The following PKP2 variants were observed in gnomAD, a reference collection of about 807,000 sequenced individuals.
The protein encoded by PKP2 is plakophilin-2.
A neutral mutation model predicts 83.4 loss-of-function variants in PKP2; 73 were observed. The observed-to-expected ratio is 0.88, with a 90% CI of 0.72 to 1.06. The LOEUF (loss-of-function observed/expected upper bound fraction) is 1.06, where lower values mean the gene tolerates loss of function less well. Among genes scored for constraint, PKP2 ranks in the 50% least tolerant of loss-of-function variants. PKP2 has a pLI of 0.00. For missense variants in PKP2, 966 were observed against 1,065.4 expected, an observed-to-expected ratio of 0.91 and a Z score of 1.30; for synonymous variants, 409 against 430.4, an observed-to-expected ratio of 0.95 and a Z score of 0.62.
chr12:32,896,445 G>A (rs1011090856), intron 1 of PKP2, 64 bp downstream of exon 1: 1 of 1,252,682 alleles, frequency 8.0e-7, no homozygotes, highest in Non-Finnish European at 1.1e-6. Flanking sequence ...GTGAGGGCGG[G>A]ATAGGAGGAG....
chr12:32,803,700 T>C (rs555069191), intron 9 of PKP2, among the ~76,000 whole-genome samples: 1 of 152,352 alleles, frequency 6.6e-6, no homozygotes, highest in East Asian at 1.9e-4. Context: ...TTTGCAAATA[T>C]ATAATGAAAT....
At chr12:32,834,148 C>G (rs556857811) in intron 6 of PKP2, among the ~76,000 whole-genome samples, 1 of 152,334 alleles carries the variant, frequency 6.6e-6, no homozygotes, top group South Asian at 2.1e-4. Context: ...TCATCCCTCT[C>G]TTAAATCTCT....
rs377566089 is a variant in PKP2, at chr12:32,796,691, G to A, written c.2168-393C>T. On this transcript the variant is annotated intron_variant, in intron 10 of 12. Coordinates refer to ENST00000340811, the MANE Select transcript of PKP2 (RefSeq NM_001005242.3). ...TGGGATTACAGGCGTGAGACACTGC[G>A]CCCGGCCAAGAACTTTCTTAAAAAG... 6.6e-5 allele frequency among the ~76,000 whole-genome samples: 10 copies of A among 152,160 alleles called. 1 individual carries two copies. The South Asian group carries it at 1.5e-3, about 22-fold the overall frequency.
rs968421395 is a variant in PKP2 at position 32,818,621 on chromosome 12, T to A, written c.2013+2735A>T. 2.6e-5 allele frequency among the ~76,000 whole-genome samples: 4 copies of A among 152,250 alleles called. No individual in the cohort carries two copies. The East Asian group carries it at 7.7e-4, about 29-fold the overall frequency. ...TTGCTACTAGAGTGACCATTATAAC[T>A]GAACTAATAAAGCTTAAACTAACAT... On this transcript the variant is annotated intron_variant, in intron 9 of 12. Coordinates refer to ENST00000340811, the MANE Select transcript of PKP2 (RefSeq NM_001005242.3).
At chr12:32,798,084 G>GTTTT (rs10623676) in intron 10 of PKP2, among the ~76,000 whole-genome samples, 3,363 of 124,086 alleles carry the variant, frequency 0.027, 291 homozygotes, top group African/African-American at 0.049. Flanking sequence ...TACTACTCTT[G>GTTTT]TTTTTTTTTT....
intron 6 of PKP2, among the ~76,000 whole-genome samples, chr12:32,827,518 A>AT (rs914632567): frequency 7.9e-5 from 12 of 151,772 alleles, no homozygotes; most frequent in African/African-American, 1.7e-4. Flanking sequence ...ATCTTAAAAT[A>AT]TTTTTTTTTA....
chr12:32,824,002 G>T, intron 7 of PKP2, 43 bp downstream of exon 7: 1 of 1,159,408 alleles, frequency 8.6e-7, no homozygotes, highest in Non-Finnish European at 1.3e-6. Context: ...ATATTCTGAA[G>T]CATCTTAGTA....
At chr12:32,822,420 C>T in intron 8 of PKP2, 47 bp downstream of exon 8, 1 of 1,504,112 alleles carries the variant, frequency 6.6e-7, no homozygotes, top group South Asian at 1.1e-5. Context: ...CACACACTCT[C>T]TCTCATTCTC....
At chr12:32,800,659 C>T (rs1956170481) in intron 10 of PKP2, among the ~76,000 whole-genome samples, 1 of 152,140 alleles carries the variant, frequency 6.6e-6, no homozygotes, top group Non-Finnish European at 1.5e-5. Context: ...GGGAACGAGT[C>T]AATGCATGTT....
intron 3 of PKP2, 111 bp downstream of exon 3, chr12:32,877,735 A>G: frequency 1.2e-6 from 1 of 812,752 alleles, no homozygotes; most frequent in East Asian, 2.6e-5. Flanking sequence ...TTAATCACTT[A>G]TCTCTGGAAG....
At position 32,850,895 on chromosome 12, in the gene PKP2, C is replaced by T. The variant is rs1956690284; in HGVS notation, c.1249G>A (p.Gly417Arg). The T allele has an allele frequency of 6.2e-7, 1 of 1,614,086 alleles. No homozygotes were observed. The change falls in exon 5 of 13, where the codon GGG becomes AGG. Residue 417 changes from glycine (G) to arginine (R), a missense_variant. Coordinates refer to ENST00000340811, the MANE Select transcript of PKP2 (RefSeq NM_001005242.3). ...TCAAATACTAAGTTTCTCAAGGCCCCACACACAGCTCGCTGAACGTCTTCA... is the reference window on the plus strand; with the variant it reads ...TCAAATACTAAGTTTCTCAAGGCCCTACACACAGCTCGCTGAACGTCTTCA... ...QNEDVQRAVC[G>R]ALRNLVFEDN...
In PKP2 at chr12:32,826,303, C is replaced by A. The variant is rs568169972; in HGVS notation, c.1557-2141G>T. ...CCCGGGTGACAAAGCTAGACACCGTCTCAAAAAAAAAAAAAAAAAAAAGAA... is the reference window on the plus strand; with the variant it reads ...CCCGGGTGACAAAGCTAGACACCGTATCAAAAAAAAAAAAAAAAAAAAGAA... On this transcript the variant is annotated intron_variant, in intron 6 of 12. Transcript: ENST00000340811. Among the ~76,000 whole-genome samples the A allele has an allele frequency of 3.0e-3, 202 of 67,520 alleles. 1 individual carries two copies. The highest frequency in any genetic ancestry group is 8.5e-3 in the African/African-American group (187 of 22,030). 44.3% of individuals were successfully genotyped at this position (67,520 alleles called of 152,430 possible). A position where few individuals can be genotyped will look rare whatever the true frequency, so the allele number is the denominator to read the frequency against.
intron 5 of PKP2, among the ~76,000 whole-genome samples, chr12:32,847,954 C>A (rs969414154): frequency 3.3e-5 from 5 of 152,026 alleles, no homozygotes; most frequent in South Asian, 2.1e-4. Flanking sequence ...AACAAAAAAA[C>A]CCCAAATCCA....
At chr12:32,846,989 G>A (rs554496062) in intron 5 of PKP2, among the ~76,000 whole-genome samples, 8 of 152,038 alleles carry the variant, frequency 5.3e-5, no homozygotes, top group African/African-American at 1.9e-4. Flanking sequence ...GTCTCACACT[G>A]ATCATATGTA....
chr12:32,792,267 T>A lies in PKP2; in HGVS notation c.*157A>T, dbSNP rs1291893472. ...TTGCAAAGGTCTTCTGGAAGACTCA[T>A]AAAATTATGTTCTATTTGTTTTCTG... is the stretch of plus-strand genomic sequence containing the variant. On this transcript the variant is annotated 3_prime_UTR_variant, in exon 13 of 13. Coordinates refer to ENST00000340811, the MANE Select transcript of PKP2 (RefSeq NM_001005242.3). 8 of 700,030 alleles carry A rather than the reference T, an allele frequency of 1.1e-5. No homozygotes were observed. The highest frequency in any genetic ancestry group is 2.1e-5 in the Non-Finnish European group (8 of 383,974). The allele number at this position is 700,030 out of a possible 1,614,324, so 43.4% of individuals were successfully genotyped here.
intron 1 of PKP2, among the ~76,000 whole-genome samples, chr12:32,881,696 C>T (rs1956987801): frequency 6.6e-6 from 1 of 152,144 alleles, no homozygotes; most frequent in Non-Finnish European, 1.5e-5. Context: ...CTCTTGTTGC[C>T]CAGGCTGGAG....
chr12:32,802,672 A>G (rs576341489), intron 9 of PKP2, 116 bp from the exon 10 acceptor site: 2 of 938,362 alleles, frequency 2.1e-6, no homozygotes, highest in African/African-American at 3.3e-5. Flanking sequence ...TTATTTATTT[A>G]TTTTGAGACA....
intron 1 of PKP2, among the ~76,000 whole-genome samples, chr12:32,882,075 C>A (rs2137963408): frequency 6.6e-6 from 1 of 152,152 alleles, no homozygotes; most frequent in East Asian, 1.9e-4. Context: ...TTACACTATC[C>A]CCACCCCCAA....
intron 5 of PKP2, among the ~76,000 whole-genome samples, chr12:32,848,892 T>TGAAGGTTTAATTTAAATTAATTTA (rs1956671503): frequency 1.3e-5 from 2 of 151,564 alleles, no homozygotes; most frequent in Admixed American, 6.6e-5. Context: ...ACCTATTATA[T>TGAAGGTTTAATTTAAATTAATTTA]AACTAAATGA....
Sources: gnomAD v4.1 joint callset for allele counts (sites outside exome capture counted in the v4.1 genomes callset) on GRCh38, gnomAD v4.1.1 for gene constraint, MANE v1.5 for transcripts, NCBI Gene and HGNC (gene_info 2026-07-23, HGNC 2026-07-21) for gene names.